Variants in CGNL1 observed in about 807,000 individuals in gnomAD.
CGNL1 encodes cingulin like 1.
CGNL1 carries 132 observed loss-of-function variants against 141.2 expected under a neutral mutation model. The ratio of observed to expected loss-of-function variants is 0.93; its 90% CI spans 0.81 to 1.08. The LOEUF (loss-of-function observed/expected upper bound fraction) is 1.08. Ranked by LOEUF, CGNL1 falls within the 50% of genes least tolerant of loss-of-function variation. The pLI is 0.00. For missense variants in CGNL1, 1,870 were observed against 1,588.6 expected (o/e 1.18, Z -3.01); for synonymous variants, 690 against 622.1 (o/e 1.11, Z -1.63).
intron 1 of CGNL1, among the ~76,000 whole-genome samples, chr15:57,384,363 A>G (rs1339386081): frequency 6.6e-6 from 1 of 152,152 alleles, no homozygotes; most frequent in South Asian, 2.1e-4. Context: ...TACTATAGCA[A>G]TTCTATGGGA....
chr15:57,512,216 T>G (rs1281799640), intron 8 of CGNL1, among the ~76,000 whole-genome samples: 1 of 152,248 alleles, frequency 6.6e-6, no homozygotes, highest in Non-Finnish European at 1.5e-5. Context: ...TTTCTTTTCT[T>G]CACTGGGAGG....
At chr15:57,426,926 G>C (rs1257213780) in intron 1 of CGNL1, among the ~76,000 whole-genome samples, 2 of 152,146 alleles carry the variant, frequency 1.3e-5, no homozygotes, top group Admixed American at 6.5e-5. Flanking sequence ...GGCAGAAGAT[G>C]AAGGCTGGAA....
At chr15:57,391,496 T>A (rs762152385) in intron 1 of CGNL1, among the ~76,000 whole-genome samples, 3 of 152,152 alleles carry the variant, frequency 2.0e-5, no homozygotes, top group Non-Finnish European at 4.4e-5. Flanking sequence ...AGACAGACAC[T>A]CTCACATGTG....
intron 1 of CGNL1, among the ~76,000 whole-genome samples, chr15:57,427,972 CTT>C (rs66738408): frequency 1.6e-3 from 232 of 148,486 alleles, no homozygotes; most frequent in African/African-American, 5.4e-3. Flanking sequence ...AAAACCTTGA[CTT>C]TTTTTTTTTT....
Position 57,483,007 on chromosome 15 carries a change from G to A in CGNL1, c.2403+21115G>A, listed in dbSNP as rs1334409798. 3.3e-5 allele frequency among the ~76,000 whole-genome samples: 5 copies of A among 152,132 alleles called. No homozygotes were observed. In the South Asian group the frequency reaches 8.3e-4, roughly 25 times the overall value. On this transcript the variant is annotated intron_variant, in intron 8 of 18. Coordinates refer to ENST00000281282, the MANE Select transcript of CGNL1 (RefSeq NM_032866.5). ...TCACCACATTGCCCAGGCTGATCTTGAACTCCTGACCTCAGGTGGTCCGCC... is the reference window on the plus strand; with the variant it reads ...TCACCACATTGCCCAGGCTGATCTTAAACTCCTGACCTCAGGTGGTCCGCC...
At position 57,534,917 on chromosome 15, in the gene CGNL1, C is replaced by G. The variant is rs548389727; in HGVS notation, c.3291+3138C>G. On this transcript the variant is annotated intron_variant, in intron 14 of 18. Coordinates refer to ENST00000281282, the MANE Select transcript of CGNL1 (RefSeq NM_032866.5). Reference sequence around the variant, plus strand: ...TTTCTCCTTAAACTCTGAATTCTCACAAGCTCCTTTGCGGAATCTTTGCTT... The same window carrying G: ...TTTCTCCTTAAACTCTGAATTCTCAGAAGCTCCTTTGCGGAATCTTTGCTT... 2.7e-4 allele frequency among the ~76,000 whole-genome samples: 41 copies of G among 152,336 alleles called. No individual in the cohort carries two copies. The East Asian group carries it at 7.7e-3, about 29-fold the overall frequency.
Position 57,437,978 on chromosome 15 carries a change from C to G in CGNL1, c.-15-7C>G. The G allele has an allele frequency of 1.3e-6, 2 of 1,599,076 alleles. No individual in the cohort carries two copies. The highest frequency in any genetic ancestry group is 1.3e-5 in the African/African-American group (1 of 74,640). On this transcript the variant is annotated splice_region_variant and splice_polypyrimidine_tract_variant and intron_variant, in intron 1 of 18. Coordinates refer to ENST00000281282, the MANE Select transcript of CGNL1 (RefSeq NM_032866.5). ...TGTCCTCTTTTTACCCCATCTCTCC[C>G]TGGTAGCTGGAACAGTGAACCATGG...
chr15:57,513,284 G>GTA lies in CGNL1; in HGVS notation c.2404-3495_2404-3494insAT, dbSNP rs1794095700. On this transcript the variant is annotated intron_variant, in intron 8 of 18. Coordinates refer to ENST00000281282, the MANE Select transcript of CGNL1 (RefSeq NM_032866.5). ...TGTGTGTGTGTGTGTGTGTGTGTGT[G>GTA]TGTGTGTGTGTTTGTGTGATTGGCT... Among the ~76,000 whole-genome samples the GTA allele has an allele frequency of 3.9e-5, 4 of 102,134 alleles. No individual in the cohort carries two copies. In the South Asian group the frequency reaches 1.8e-3, roughly 46 times the overall value. The allele number at this position is 102,134 out of a possible 152,430, so 67.0% of individuals were successfully genotyped here.
At chr15:57,443,058 T>A (rs539066975) in intron 4 of CGNL1, among the ~76,000 whole-genome samples, 10 of 152,180 alleles carry the variant, frequency 6.6e-5, no homozygotes, top group African/African-American at 2.2e-4. Flanking sequence ...TAGGCAAACA[T>A]GGAAGGTAAG....
intron 8 of CGNL1, among the ~76,000 whole-genome samples, chr15:57,500,096 G>A (rs1171623851): frequency 6.6e-6 from 1 of 152,186 alleles, no homozygotes; most frequent in Non-Finnish European, 1.5e-5. Context: ...ATGAGAACCT[G>A]GGTGTGGGGA....
rs192103445 is a variant in CGNL1 at position 57,531,555 on chromosome 15, G to C, written c.3202-135G>C. ...TCTGCTTTGGGCAATGTAAGAAATAGATATATTGTTTTTCCAAACTCTAAT... is the reference window on the plus strand; with the variant it reads ...TCTGCTTTGGGCAATGTAAGAAATACATATATTGTTTTTCCAAACTCTAAT... On this transcript the variant is annotated intron_variant, in intron 13 of 18. Transcript: ENST00000281282. 27 of 662,696 alleles carry C rather than the reference G, an allele frequency of 4.1e-5. No individual in the cohort carries two copies. In the East Asian group the frequency reaches 6.6e-4, roughly 16 times the overall value. The allele number at this position is 662,696 out of a possible 1,614,324, so 41.1% of individuals were successfully genotyped here. A position where few individuals can be genotyped will look rare whatever the true frequency, so the allele number is the denominator to read the frequency against.
At position 57,452,160 on chromosome 15, in the gene CGNL1, A is replaced by AAG. The variant is rs748218053; in HGVS notation, c.1936_1937dup (p.Met647GlyfsTer2). The AAG allele has an allele frequency of 9.9e-6, 16 of 1,611,180 alleles. No homozygotes were observed. Among genetic ancestry groups the AAG allele is most frequent in the Admixed American group, 5.0e-5 (3 of 59,746 alleles). On this transcript the variant is annotated frameshift_variant, in exon 6 of 19. Transcript: ENST00000281282. LOFTEE classifies it high-confidence loss of function. ...TGTTAGAATCAACAGAACATTAAAG[A>AAG]AGAGAGAGAGAGGATGAGAGCAAAC...
At chr15:57,426,882 C>A (rs1039804813) in intron 1 of CGNL1, among the ~76,000 whole-genome samples, 3 of 152,056 alleles carry the variant, frequency 2.0e-5, no homozygotes, top group Admixed American at 1.3e-4. Context: ...CTAACAGAGC[C>A]ATCTATATAG....
chr15:57,512,387 G>T (rs1467294972), intron 8 of CGNL1, among the ~76,000 whole-genome samples: 1 of 152,160 alleles, frequency 6.6e-6, no homozygotes, highest in East Asian at 1.9e-4. Flanking sequence ...GGCCATGTGG[G>T]GGTGTGGGGG....
chr15:57,441,073 CAAAAA>C (rs11301544), intron 3 of CGNL1, among the ~76,000 whole-genome samples: 5 of 138,884 alleles, frequency 3.6e-5, no homozygotes, highest in Non-Finnish European at 3.1e-5. Flanking sequence ...AGAGGAAGGA[CAAAAA>C]AAAAAAAAAA....
chr15:57,386,507 C>T (rs2062485317), intron 1 of CGNL1, among the ~76,000 whole-genome samples: 1 of 152,150 alleles, frequency 6.6e-6, no homozygotes, highest in African/African-American at 2.4e-5. Context: ...GGAGGCCCCC[C>T]AAATAGTTCC....
chr15:57,427,498 G>A (rs986830113), intron 1 of CGNL1, among the ~76,000 whole-genome samples: 2 of 152,186 alleles, frequency 1.3e-5, no homozygotes, highest in African/African-American at 2.4e-5. Context: ...TGGCATGGAC[G>A]CTTCCCCAGT....
chr15:57,480,858 C>A (rs1423026898), intron 8 of CGNL1, among the ~76,000 whole-genome samples: 9 of 152,196 alleles, frequency 5.9e-5, no homozygotes, highest in African/African-American at 2.2e-4. Flanking sequence ...AACCTTCTTA[C>A]TCTCACCAGT....
chr15:57,466,364 T>C (rs986338870), intron 8 of CGNL1, among the ~76,000 whole-genome samples: 1 of 152,206 alleles, frequency 6.6e-6, no homozygotes. Context: ...ATTAACCTTG[T>C]TCACAGCCGT....
Sources: gnomAD v4.1 joint callset for allele counts (sites outside exome capture counted in the v4.1 genomes callset) on GRCh38, gnomAD v4.1.1 for gene constraint, MANE v1.5 for transcripts, NCBI Gene and HGNC (gene_info 2026-07-23, HGNC 2026-07-21) for gene names.